Variants in TDRD5 observed in about 807,000 individuals in gnomAD.
TDRD5 encodes tudor domain containing 5.
In TDRD5, 41 loss-of-function variants were observed where a neutral mutation model predicts 120.6. The observed-to-expected ratio is 0.34, with a 90% CI of 0.26 to 0.44. TDRD5 has a LOEUF of 0.44. Ranked by LOEUF, TDRD5 falls within the 20% of genes least tolerant of loss-of-function variation. The pLI is 1.00. For missense variants in TDRD5, 1,006 were observed against 1,221.2 expected (o/e 0.82, Z 2.63); for synonymous variants, 430 against 433.7 (o/e 0.99, Z 0.11).
chr1:179,649,587 A>G (rs1238073801), intron 11 of TDRD5, among the ~76,000 whole-genome samples: 1 of 152,182 alleles, frequency 6.6e-6, no homozygotes, highest in Non-Finnish European at 1.5e-5. Context: ...TAGTTCTGCT[A>G]GATCAATTTT....
chr1:179,619,649 G>C (rs777118932), intron 5 of TDRD5, among the ~76,000 whole-genome samples: 3 of 151,094 alleles, frequency 2.0e-5, no homozygotes, highest in Non-Finnish European at 4.4e-5. Flanking sequence ...AAGAGACAAG[G>C]TCTTGCTCTG....
chr1:179,630,427 T>C (rs1677371178), intron 6 of TDRD5, among the ~76,000 whole-genome samples: 1 of 152,240 alleles, frequency 6.6e-6, no homozygotes, highest in Non-Finnish European at 1.5e-5. Context: ...ATAGTTTTAT[T>C]ACGACTGTTG....
chr1:179,634,676 A>G lies in TDRD5; in HGVS notation c.1299+47A>G, dbSNP rs200738820. On this transcript the variant is annotated intron_variant, in intron 8 of 17. Transcript: ENST00000444136. ...TGCACTGGAGATTCAGCATTATGGAAAGTAAATGAATGTGTGTTTCTTTAA... is the reference window on the plus strand; with the variant it reads ...TGCACTGGAGATTCAGCATTATGGAGAGTAAATGAATGTGTGTTTCTTTAA... 638 of 1,531,714 alleles carry G rather than the reference A, an allele frequency of 4.2e-4. 3 individuals are homozygous for G. In the African/African-American group the frequency reaches 8.1e-3, roughly 19 times the overall value. The allele number at this position is 1,531,714 out of a possible 1,614,324, so 94.9% of individuals were successfully genotyped here. A position where few individuals can be genotyped will look rare whatever the true frequency, so the allele number is the denominator to read the frequency against.
intron 17 of TDRD5, among the ~76,000 whole-genome samples, chr1:179,669,664 A>G (rs1358354337): frequency 1.3e-5 from 2 of 151,906 alleles, no homozygotes; most frequent in East Asian, 3.8e-4. Flanking sequence ...CTGGTTGTCA[A>G]GTGTATAGTT....
rs924999110 is a variant in TDRD5 at position 179,643,284 on chromosome 1, T to C, written c.1800+2839T>C. ...AACAGAATCCAGAAGCTCTAAAACA[T>C]TGATAATGTTTACTATTCAACTAAA... On this transcript the variant is annotated intron_variant, in intron 11 of 17. Coordinates refer to ENST00000444136, the MANE Select transcript of TDRD5 (RefSeq NM_001199085.3). Among the ~76,000 whole-genome samples, 13 of 152,210 alleles carry C rather than the reference T, an allele frequency of 8.5e-5. No homozygotes were observed. The South Asian group carries it at 2.7e-3, about 32-fold the overall frequency.
At chr1:179,641,652 G>A (rs1044941981) in intron 11 of TDRD5, among the ~76,000 whole-genome samples, 10 of 152,190 alleles carry the variant, frequency 6.6e-5, no homozygotes, top group African/African-American at 1.7e-4. Context: ...TGTTGGGAGC[G>A]AGGGTTTTTT....
chr1:179,640,492 A>G (rs762000533), intron 11 of TDRD5, 47 bp downstream of exon 11: 9 of 1,562,718 alleles, frequency 5.8e-6, no homozygotes, highest in South Asian at 1.1e-5. Flanking sequence ...TTGAGTGCCT[A>G]TTATGTGCCA....
chr1:179,621,040 A>G lies in TDRD5; in HGVS notation c.921A>G (p.Val307=), dbSNP rs1171915197. Residue 307 remains valine, a synonymous_variant, in exon 6 of 18, where the codon GTA becomes GTG. Coordinates refer to ENST00000444136, the MANE Select transcript of TDRD5 (RefSeq NM_001199085.3). The part of the protein sequence containing the change: ...SELKHKIKFV[V]SKFPEGLFIS... ...TTTCACTTTCTATTTGTTAGGTTGT[A>G]TCTAAGTTCCCAGAGGGTTTGTTTA... is the stretch of plus-strand genomic sequence containing the variant. 4 of 1,601,488 alleles carry G rather than the reference A, an allele frequency of 2.5e-6. No individual in the cohort carries two copies. The highest frequency in any genetic ancestry group is 3.5e-5 in the Admixed American group (2 of 56,534).
chr1:179,651,003 A>T lies in TDRD5; in HGVS notation c.1937A>T (p.Tyr646Phe). ...LCDTSSNEDVYFHHVLRTEGH... is the reference protein window; with the variant it reads ...LCDTSSNEDVFFHHVLRTEGH... ...GACACATCCTCAAACGAAGATGTCT[A>T]TTTCCATCATGTCTTGAGAACAGAG... The change falls in exon 12 of 18, where the codon TAT (tyrosine) becomes TTT (phenylalanine). Residue 646 changes from tyrosine to phenylalanine, a missense_variant. Around this residue, in one of 3 missense-constraint regions of TDRD5, gnomAD observed 158 missense variants for 257.5 expected, o/e 0.61. Transcript: ENST00000444136. The T allele has an allele frequency of 6.2e-7, 1 of 1,614,132 alleles. No individual in the cohort carries two copies. Among genetic ancestry groups the T allele is most frequent in the Non-Finnish European group, 8.5e-7 (1 of 1,180,004 alleles).
At chr1:179,646,058 T>C (rs1290496058) in intron 11 of TDRD5, among the ~76,000 whole-genome samples, 1 of 152,228 alleles carries the variant, frequency 6.6e-6, no homozygotes, top group Non-Finnish European at 1.5e-5. Context: ...ATTACACTTA[T>C]TGTAATAATT....
In TDRD5 at chr1:179,597,026, T is replaced by C. The variant is rs557350928; in HGVS notation, c.831+1208T>C. 2.2e-3 allele frequency among the ~76,000 whole-genome samples: 337 copies of C among 152,364 alleles called. 2 individuals are homozygous for C. Among genetic ancestry groups the C allele is most frequent in the Non-Finnish European group, 2.4e-3 (162 of 68,028 alleles). On this transcript the variant is annotated intron_variant, in intron 4 of 17. Coordinates refer to ENST00000444136, the MANE Select transcript of TDRD5 (RefSeq NM_001199085.3). The stretch of plus-strand genomic sequence containing the variant: ...GGTGTGTAGTGCTATCTCATGGTTT[T>C]AAGTTGGATCATAATAATCTAATGA...
chr1:179,610,353 G>T (rs1676214915), intron 4 of TDRD5, among the ~76,000 whole-genome samples: 1 of 152,052 alleles, frequency 6.6e-6, no homozygotes, highest in Admixed American at 6.6e-5. Context: ...TTCTTCCTTT[G>T]TAGGTAAGCT....
intron 9 of TDRD5, among the ~76,000 whole-genome samples, chr1:179,638,498 A>G (rs1339690198): frequency 7.8e-6 from 1 of 128,850 alleles, no homozygotes; most frequent in Non-Finnish European, 1.7e-5. Context: ...ACTGTTAGAT[A>G]TAACTTTATC....
chr1:179,637,899 G>T (rs1308171050), intron 9 of TDRD5, among the ~76,000 whole-genome samples: 1 of 152,196 alleles, frequency 6.6e-6, no homozygotes, highest in Non-Finnish European at 1.5e-5. Flanking sequence ...GTTGAGGAAA[G>T]CTTCACAAAA....
chr1:179,668,294 G>A (rs1679657034), intron 16 of TDRD5, among the ~76,000 whole-genome samples: 5 of 152,126 alleles, frequency 3.3e-5, no homozygotes, highest in Admixed American at 3.3e-4. Flanking sequence ...ATGGCTAGCT[G>A]CACACACACA....
At chr1:179,603,043 A>G (rs535334948) in intron 4 of TDRD5, among the ~76,000 whole-genome samples, 20 of 152,176 alleles carry the variant, frequency 1.3e-4, no homozygotes, top group African/African-American at 4.1e-4. Flanking sequence ...TGTTTCATCT[A>G]TAATTTCTTT....
chr1:179,593,394 GA>G (rs1312386730), intron 2 of TDRD5, 65 bp from the exon 3 acceptor site: 8 of 1,506,694 alleles, frequency 5.3e-6, no homozygotes, highest in Non-Finnish European at 7.2e-6. Context: ...TATAAACACA[GA>G]TACTAAGGAT....
intron 17 of TDRD5, among the ~76,000 whole-genome samples, chr1:179,674,336 G>A (rs1025140063): frequency 1.3e-5 from 2 of 152,078 alleles, no homozygotes; most frequent in Non-Finnish European, 2.9e-5. Flanking sequence ...TATTTATGTG[G>A]TGTATCACAT....
intron 9 of TDRD5, among the ~76,000 whole-genome samples, chr1:179,639,224 A>G (rs1179630477): frequency 3.9e-5 from 6 of 152,178 alleles, no homozygotes; most frequent in African/African-American, 1.4e-4. Flanking sequence ...TATTTTTATC[A>G]TCCCCATCCT....
Sources: gnomAD v4.1 joint callset for allele counts (sites outside exome capture counted in the v4.1 genomes callset) on GRCh38, gnomAD v4.1.1 for gene constraint, gnomAD v4.1.1 regional missense constraint, MANE v1.5 for transcripts, NCBI Gene and HGNC (gene_info 2026-07-23, HGNC 2026-07-21) for gene names.